The following LRFN5 variants were observed in gnomAD, a reference collection of about 807,000 sequenced individuals.
LRFN5 encodes leucine rich repeat and fibronectin type III domain containing 5, also known as leucine-rich repeat and fibronectin type-III domain-containing protein 5.
In LRFN5, 24 loss-of-function variants were observed where a neutral mutation model predicts 45.6. The ratio of observed to expected loss-of-function variants is 0.53; its 90% CI spans 0.38 to 0.74. The LOEUF (loss-of-function observed/expected upper bound fraction) is 0.74, where lower values mean the gene tolerates loss of function less well. LRFN5 is among the 30% of genes least tolerant of loss of function. The pLI is 0.00. For synonymous variants in LRFN5, 340 were observed against 313.8 expected (o/e 1.08, Z -0.88); for missense variants, 776 against 861.5 (o/e 0.90, Z 1.24).
intron 4 of LRFN5, chr14:41,894,279 A>G (rs940604042): frequency 4.2e-5 from 40 of 959,754 alleles, no homozygotes; most frequent in Admixed American, 6.2e-5. Context: ...TTTAAAAATC[A>G]ATTGCCTACT....
intron 1 of LRFN5, among the ~76,000 whole-genome samples, chr14:41,729,483 A>G (rs1884077307): frequency 6.6e-6 from 1 of 152,142 alleles, no homozygotes; most frequent in African/African-American, 2.4e-5. Context: ...ATTTCTTTAT[A>G]AATTTACCAG....
intron 2 of LRFN5, among the ~76,000 whole-genome samples, chr14:41,847,529 G>A (rs1023639073): frequency 6.6e-6 from 1 of 151,776 alleles, no homozygotes; most frequent in Non-Finnish European, 1.5e-5. Flanking sequence ...ACATCACCAT[G>A]GTTAGTATCT....
chr14:41,895,465 AAC>A (rs2139169935), intron 4 of LRFN5, among the ~76,000 whole-genome samples: 1 of 152,064 alleles, frequency 6.6e-6, no homozygotes, highest in East Asian at 1.9e-4. Flanking sequence ...CACTAGTAAA[AAC>A]ACAAAAAAAT....
chr14:41,813,472 G>C (rs1234946755), intron 2 of LRFN5, among the ~76,000 whole-genome samples: 1 of 152,082 alleles, frequency 6.6e-6, no homozygotes. Context: ...GTGTTAGTTT[G>C]CTGAGAACAA....
At chr14:41,759,920 T>C (rs562129482) in intron 1 of LRFN5, among the ~76,000 whole-genome samples, 30 of 152,344 alleles carry the variant, frequency 2.0e-4, no homozygotes, top group Middle Eastern at 3.4e-3. Flanking sequence ...GATGATGCGC[T>C]ATTATGTAAA....
intron 2 of LRFN5, among the ~76,000 whole-genome samples, chr14:41,873,811 G>C (rs934938922): frequency 6.6e-6 from 1 of 152,008 alleles, no homozygotes; most frequent in Non-Finnish European, 1.5e-5. Context: ...CTTTACTACT[G>C]TGTTTCTTTA....
At chr14:41,725,409 A>T (rs191766115) in intron 1 of LRFN5, among the ~76,000 whole-genome samples, 1 of 152,132 alleles carries the variant, frequency 6.6e-6, no homozygotes. Flanking sequence ...TTATTTCTGT[A>T]TATCATGTGG....
At chr14:41,873,949 C>G (rs1257931005) in intron 2 of LRFN5, among the ~76,000 whole-genome samples, 1 of 152,116 alleles carries the variant, frequency 6.6e-6, no homozygotes, top group African/African-American at 2.4e-5. Context: ...AGAGATTCAC[C>G]TTTCAGAATT....
intron 2 of LRFN5, among the ~76,000 whole-genome samples, chr14:41,771,077 C>T (rs562568435): frequency 2.0e-5 from 3 of 151,920 alleles, no homozygotes; most frequent in African/African-American, 7.2e-5. Flanking sequence ...TGTACTTGGG[C>T]CCCTTTGAGC....
chr14:41,778,798 A>G (rs1234447215), intron 2 of LRFN5, among the ~76,000 whole-genome samples: 1 of 151,832 alleles, frequency 6.6e-6, no homozygotes, highest in East Asian at 1.9e-4. Context: ...TATGGTTATT[A>G]TAAAGTACAT....
chr14:41,823,570 A>G (rs1005229025), intron 2 of LRFN5, among the ~76,000 whole-genome samples: 1 of 152,112 alleles, frequency 6.6e-6, no homozygotes, highest in Admixed American at 6.6e-5. Flanking sequence ...TTGCTGGTTC[A>G]GGACTTTTTC....
At chr14:41,830,406 A>G (rs973109986) in intron 2 of LRFN5, among the ~76,000 whole-genome samples, 4 of 152,292 alleles carry the variant, frequency 2.6e-5, no homozygotes, top group Non-Finnish European at 2.9e-5. Flanking sequence ...TAAAATATTT[A>G]AAGGGTTTTA....
At chr14:41,680,807 T>G (rs1359407831) in intron 1 of LRFN5, among the ~76,000 whole-genome samples, 1 of 152,104 alleles carries the variant, frequency 6.6e-6, no homozygotes, top group East Asian at 1.9e-4. Context: ...GACACAGATA[T>G]GTGACCTTTC....
At chr14:41,888,305 A>G (rs1311795934) in intron 3 of LRFN5, among the ~76,000 whole-genome samples, 1 of 152,178 alleles carries the variant, frequency 6.6e-6, no homozygotes, top group East Asian at 1.9e-4. Flanking sequence ...ATTCAAAAAC[A>G]TACCAGAACT....
intron 4 of LRFN5, chr14:41,893,131 A>G: frequency 1.0e-6 from 1 of 984,466 alleles, no homozygotes. Flanking sequence ...AAGTAAATGC[A>G]TTTGCTATTT....
At chr14:41,890,685 C>A (rs1307448653) in intron 3 of LRFN5, among the ~76,000 whole-genome samples, 3 of 143,200 alleles carry the variant, frequency 2.1e-5, no homozygotes, top group East Asian at 2.0e-4. Flanking sequence ...CCAGCCTGGG[C>A]GACAGAGCGA....
At chr14:41,656,020 C>A (rs1478889742) in intron 1 of LRFN5, among the ~76,000 whole-genome samples, 1 of 151,942 alleles carries the variant, frequency 6.6e-6, no homozygotes, top group Non-Finnish European at 1.5e-5. Context: ...TTCTAGATTT[C>A]AAGTTGAGTG....
intron 1 of LRFN5, among the ~76,000 whole-genome samples, chr14:41,632,068 T>A (rs148159056): frequency 6.6e-6 from 1 of 152,120 alleles, no homozygotes; most frequent in East Asian, 1.9e-4. Context: ...TAGTGGTAAA[T>A]TGAACCAGAG....
intron 1 of LRFN5, among the ~76,000 whole-genome samples, chr14:41,615,687 G>A (rs919064206): frequency 3.9e-5 from 6 of 151,992 alleles, no homozygotes; most frequent in Non-Finnish European, 4.4e-5. Flanking sequence ...CTCTCCAGCC[G>A]GCACTCATTT....
Sources: allele counts gnomAD v4.1 joint callset (sites outside exome capture counted in the v4.1 genomes callset), GRCh38; gene constraint gnomAD v4.1.1; transcripts MANE v1.5; gene names NCBI Gene and HGNC (gene_info 2026-07-23, HGNC 2026-07-21).